Variants in NBAS observed in about 807,000 individuals in gnomAD.
NBAS encodes NBAS subunit of NRZ tethering complex, also known as NAG/BC035112 fusion.
Under a neutral mutation model 302.5 loss-of-function variants are expected in NBAS, and 219 were observed. The observed-to-expected ratio is 0.72, with a 90% CI of 0.65 to 0.81. The LOEUF (loss-of-function observed/expected upper bound fraction) is 0.81. Ranked by LOEUF, NBAS falls within the 30% of genes least tolerant of loss-of-function variation. NBAS has a pLI of 0.00. For synonymous variants in NBAS, 1,118 were observed against 1,021.6 expected (o/e 1.09, Z -1.80); for missense variants, 2,932 against 2,841.6 (o/e 1.03, Z -0.72).
At chr2:15,230,745 C>T (rs949484680) in intron 47 of NBAS, among the ~76,000 whole-genome samples, 49 of 152,136 alleles carry the variant, frequency 3.2e-4, no homozygotes, top group African/African-American at 1.1e-3. Context: ...AGCTGCGCTG[C>T]GGATGGCAGC....
intron 12 of NBAS, among the ~76,000 whole-genome samples, chr2:15,486,635 C>A (rs1442610773): frequency 6.6e-6 from 1 of 152,134 alleles, no homozygotes; most frequent in African/African-American, 2.4e-5. Flanking sequence ...CTGAGGTCCC[C>A]CCCTTTCCCT....
chr2:15,314,902 T>C (rs942226285), intron 38 of NBAS, among the ~76,000 whole-genome samples: 13 of 152,218 alleles, frequency 8.5e-5, no homozygotes, highest in Non-Finnish European at 1.6e-4. Context: ...TCAAAAACTT[T>C]CACTTTGTTA....
the NBAS span, among the ~76,000 whole-genome samples, chr2:15,023,111 T>A: frequency 6.6e-6 from 1 of 152,150 alleles, no homozygotes; most frequent in Non-Finnish European, 1.5e-5. Flanking sequence ...CATATACATA[T>A]CTGTATGCAT....
the NBAS span, among the ~76,000 whole-genome samples, chr2:15,148,970 T>G: frequency 1.3e-5 from 2 of 152,026 alleles, no homozygotes; most frequent in African/African-American, 4.8e-5. Context: ...TTTAATAGAG[T>G]GTACTTTAAA....
intron 35 of NBAS, among the ~76,000 whole-genome samples, chr2:15,341,749 A>G (rs767314263): frequency 6.6e-6 from 1 of 152,194 alleles, no homozygotes; most frequent in Non-Finnish European, 1.5e-5. Context: ...AGATTTGCCA[A>G]TCTAATCAAT....
intron 9 of NBAS, among the ~76,000 whole-genome samples, chr2:15,532,776 A>T (rs1663285161): frequency 6.6e-6 from 1 of 152,078 alleles, no homozygotes; most frequent in African/African-American, 2.4e-5. Flanking sequence ...AGTTTTTAAA[A>T]CTAAACACTT....
intron 2 of NBAS, among the ~76,000 whole-genome samples, chr2:15,557,345 A>G (rs1664694828): frequency 6.6e-6 from 1 of 152,200 alleles, no homozygotes; most frequent in African/African-American, 2.4e-5. Flanking sequence ...AGTTAGGTAT[A>G]TATCAATGGA....
In NBAS at chr2:15,461,303, G is replaced by GT; in HGVS notation, c.2236dup (p.Thr746AsnfsTer26). On this transcript the variant is annotated frameshift_variant, in exon 21 of 52. Transcript: ENST00000281513. LOFTEE classifies it high-confidence loss of function. ...AGGAAGCAGGTCGGAACCATGGTAAGTAAACAGAATTTCCAGGGCTTGTAC... is the reference window on the plus strand; with the variant it reads ...AGGAAGCAGGTCGGAACCATGGTAAGTTAAACAGAATTTCCAGGGCTTGTAC... 1 of 1,613,150 alleles carries GT rather than the reference G, an allele frequency of 6.2e-7. No homozygotes were observed. The highest frequency in any genetic ancestry group is 8.5e-7 in the Non-Finnish European group (1 of 1,179,164).
the NBAS span, among the ~76,000 whole-genome samples, chr2:14,984,257 C>T: frequency 2.0e-5 from 3 of 152,002 alleles, no homozygotes; most frequent in Non-Finnish European, 2.9e-5. Context: ...TCTCTGCCCC[C>T]TACCCTTCCT....
At chr2:14,854,080 AAT>A in the NBAS span, among the ~76,000 whole-genome samples, 6 of 150,364 alleles carry the variant, frequency 4.0e-5, no homozygotes, top group African/African-American at 4.9e-5. Flanking sequence ...AATAAAAAAT[AAT>A]AATAATAATA....
At chr2:15,027,519 A>G in the NBAS span, among the ~76,000 whole-genome samples, 3 of 152,194 alleles carry the variant, frequency 2.0e-5, no homozygotes, top group Admixed American at 6.6e-5. Context: ...CTTAATAATT[A>G]TAGTAGCTTT....
At chr2:15,391,265 G>A (rs951545638) in intron 28 of NBAS, among the ~76,000 whole-genome samples, 1 of 152,076 alleles carries the variant, frequency 6.6e-6, no homozygotes, top group African/African-American at 2.4e-5. Flanking sequence ...AAACGATGGT[G>A]TTAGAAAAAC....
At chr2:14,905,407 A>G in the NBAS span, among the ~76,000 whole-genome samples, 2 of 152,228 alleles carry the variant, frequency 1.3e-5, no homozygotes, top group Admixed American at 1.3e-4. Context: ...ATGGAACCAT[A>G]AAACCAGAGC....
the NBAS span, among the ~76,000 whole-genome samples, chr2:15,110,465 T>C: frequency 6.8e-4 from 103 of 152,268 alleles, 4 homozygotes; most frequent in South Asian, 0.02. Context: ...TCATACATAA[T>C]GTACAAAGAT....
At chr2:15,491,834 A>G (rs1680869326) in intron 11 of NBAS, among the ~76,000 whole-genome samples, 1 of 152,216 alleles carries the variant, frequency 6.6e-6, no homozygotes, top group East Asian at 1.9e-4. Context: ...CATAAAATTT[A>G]CATTAAATCT....
chr2:15,134,585 C>G, the NBAS span, among the ~76,000 whole-genome samples: 1 of 152,296 alleles, frequency 6.6e-6, no homozygotes, highest in Admixed American at 6.5e-5. Flanking sequence ...GAAAGATCTT[C>G]ACTATTGATG....
intron 19 of NBAS, among the ~76,000 whole-genome samples, chr2:15,464,435 A>G (rs534801326): frequency 5.3e-5 from 8 of 152,166 alleles, no homozygotes; most frequent in Non-Finnish European, 8.8e-5. Context: ...AGAAAGAAAC[A>G]TATCTCTGCT....
At chr2:15,306,096 A>C (rs1487394495) in intron 40 of NBAS, among the ~76,000 whole-genome samples, 2 of 152,232 alleles carry the variant, frequency 1.3e-5, no homozygotes, top group East Asian at 3.8e-4. Flanking sequence ...ACATAGCACT[A>C]ATGAAAAGGT....
intron 9 of NBAS, among the ~76,000 whole-genome samples, chr2:15,527,951 A>C (rs1663002402): frequency 6.6e-6 from 1 of 152,016 alleles, no homozygotes; most frequent in Non-Finnish European, 1.5e-5. Flanking sequence ...ATATTTCCTC[A>C]GCTCAAAAAT....
Sources: gnomAD v4.1 joint callset for allele counts (sites outside exome capture counted in the v4.1 genomes callset) on GRCh38, gnomAD v4.1.1 for gene constraint, MANE v1.5 for transcripts, NCBI Gene and HGNC (gene_info 2026-07-23, HGNC 2026-07-21) for gene names.